Variants in SAMMSON observed in about 807,000 individuals in gnomAD.
SAMMSON encodes the protein long intergenic non-protein coding RNA 1212.
chr3:70,397,763 C>T (rs1331407803), intron 2 of SAMMSON, among the ~76,000 whole-genome samples: 1 of 151,984 alleles, frequency 6.6e-6, no homozygotes, highest in Non-Finnish European at 1.5e-5. Context: ...AAACATGCTG[C>T]CAATTTACAC....
intron 6 of SAMMSON, among the ~76,000 whole-genome samples, chr3:70,267,122 A>G (rs1052777840): frequency 5.9e-5 from 9 of 152,212 alleles, no homozygotes; most frequent in Admixed American, 1.3e-4. Context: ...GGGAAGGAGA[A>G]TAGGAAGTAC....
chr3:70,092,135 ATTTGCCTG>A (rs1559789307), intron 4 of SAMMSON, among the ~76,000 whole-genome samples: 1 of 152,118 alleles, frequency 6.6e-6, no homozygotes, highest in Non-Finnish European at 1.5e-5. Context: ...TCTGGTCTCA[ATTTGCCTG>A]TATGCGAAGT....
intron 9 of SAMMSON, among the ~76,000 whole-genome samples, chr3:70,373,134 T>C (rs1390177454): frequency 6.6e-6 from 1 of 152,144 alleles, no homozygotes. Flanking sequence ...TTTCTTTCTG[T>C]TTATAAACCT....
chr3:70,263,509 T>A (rs564519442), intron 6 of SAMMSON, among the ~76,000 whole-genome samples: 215 of 152,276 alleles, frequency 1.4e-3, no homozygotes, highest in Non-Finnish European at 2.1e-3. Flanking sequence ...GGAATTCAAG[T>A]AATTTTCAGC....
At chr3:70,088,064 C>T (rs753673838) in intron 4 of SAMMSON, among the ~76,000 whole-genome samples, 11 of 152,082 alleles carry the variant, frequency 7.2e-5, no homozygotes, top group Non-Finnish European at 1.3e-4. Flanking sequence ...GCCTTCTTTC[C>T]GTTCTTTGGT....
At chr3:70,186,436 T>G (rs1394579355) in intron 4 of SAMMSON, among the ~76,000 whole-genome samples, 2 of 152,064 alleles carry the variant, frequency 1.3e-5, no homozygotes, top group Non-Finnish European at 2.9e-5. Flanking sequence ...TTTTATTTTT[T>G]TATTTTTTGG....
intron 7 of SAMMSON, among the ~76,000 whole-genome samples, chr3:70,343,540 C>A (rs1353958562): frequency 6.6e-6 from 1 of 152,044 alleles, no homozygotes; most frequent in Non-Finnish European, 1.5e-5. Context: ...GGGAGGAAGA[C>A]CACAGAGGCA....
At position 70,359,834 on chromosome 3, in the gene SAMMSON, G is replaced by A. The variant is rs1160973957; in HGVS notation, n.913+1510G>A. 3.3e-5 allele frequency among the ~76,000 whole-genome samples: 5 copies of A among 152,016 alleles called. No individual in the cohort carries two copies. The East Asian group carries it at 9.6e-4, about 29-fold the overall frequency. ...TTGCAATATCTCAGACCTTTATAATGTACTAGGTTAGCATATACTTTTCTC... is the reference window on the plus strand; with the variant it reads ...TTGCAATATCTCAGACCTTTATAATATACTAGGTTAGCATATACTTTTCTC... On this transcript the variant is annotated intron_variant and non_coding_transcript_variant, in intron 9 of 9. Transcript: ENST00000642114.
intron 9 of SAMMSON, among the ~76,000 whole-genome samples, chr3:70,378,433 C>T (rs189255537): frequency 1.8e-3 from 268 of 152,012 alleles, no homozygotes; most frequent in African/African-American, 6.2e-3. Flanking sequence ...GGAATTTACA[C>T]TTATCAATTA....
intron 6 of SAMMSON, among the ~76,000 whole-genome samples, chr3:70,276,475 A>T (rs549049454): frequency 6.6e-6 from 1 of 152,336 alleles, no homozygotes; most frequent in South Asian, 2.1e-4. Flanking sequence ...TAATACTTAG[A>T]AGTGGCTGTC....
chr3:70,332,253 T>C (rs1702626140), intron 7 of SAMMSON, among the ~76,000 whole-genome samples: 1 of 152,214 alleles, frequency 6.6e-6, no homozygotes, highest in Non-Finnish European at 1.5e-5. Context: ...ATTTGTGTTT[T>C]GTTTTTCTCT....
At chr3:70,134,087 CAAAAAAAA>C (rs1157606808) in intron 4 of SAMMSON, among the ~76,000 whole-genome samples, 17 of 60,572 alleles carry the variant, frequency 2.8e-4, no homozygotes, top group East Asian at 1.3e-3. Context: ...ACTGAAAATA[CAAAAAAAA>C]AAAAAAAAAA....
intron 7 of SAMMSON, among the ~76,000 whole-genome samples, chr3:70,324,199 C>CTATCTATCTATCATCTATCT (rs1553655704): frequency 3.3e-5 from 3 of 90,230 alleles, no homozygotes; most frequent in Admixed American, 1.1e-4. Context: ...ATCTATCTAT[C>CTATCTATCTATCATCTATCT]ATCTATCTAT....
In SAMMSON at chr3:70,054,811, G is replaced by T. The variant is rs561889319; in HGVS notation, n.418-16665G>T. On this transcript the variant is annotated intron_variant and non_coding_transcript_variant, in intron 3 of 9. Transcript: ENST00000642114. ...GACTAATCTCAACAGGGAAGTAGCT[G>T]CTTCATCCCTGCTCAATGTTGCTAT... 3.7e-4 allele frequency among the ~76,000 whole-genome samples: 57 copies of T among 152,192 alleles called. 1 individual carries two copies. Among genetic ancestry groups the T allele is most frequent in the South Asian group, 3.7e-3 (18 of 4,828 alleles).
intron 4 of SAMMSON, among the ~76,000 whole-genome samples, chr3:70,161,786 C>A (rs998841484): frequency 6.6e-6 from 1 of 151,752 alleles, no homozygotes; most frequent in African/African-American, 2.4e-5. Flanking sequence ...CACCAGTGAA[C>A]CATCTTGACC....
intron 4 of SAMMSON, chr3:70,075,011 C>G (rs775561374): frequency 2.0e-5 from 3 of 152,056 alleles, no homozygotes; most frequent in Non-Finnish European, 2.9e-5. Context: ...TATGTGATGG[C>G]TGTTTGAGCA....
chr3:70,042,396 A>T (rs2067109501), intron 3 of SAMMSON, among the ~76,000 whole-genome samples: 1 of 152,082 alleles, frequency 6.6e-6, no homozygotes, highest in Non-Finnish European at 1.5e-5. Flanking sequence ...GAATGGTGGA[A>T]TTGTCAGGAA....
intron 7 of SAMMSON, among the ~76,000 whole-genome samples, chr3:70,306,969 A>G (rs1048910917): frequency 5.9e-5 from 9 of 152,172 alleles, no homozygotes; most frequent in African/African-American, 2.2e-4. Flanking sequence ...ATGTATATGT[A>G]TGTGTGTATA....
At chr3:70,144,641 A>G (rs1157693001) in intron 4 of SAMMSON, among the ~76,000 whole-genome samples, 1 of 152,106 alleles carries the variant, frequency 6.6e-6, no homozygotes, top group African/African-American at 2.4e-5. Flanking sequence ...AGCTCCCATA[A>G]TTCCCATATG....
Sources: gnomAD v4.1 joint callset for allele counts (sites outside exome capture counted in the v4.1 genomes callset) on GRCh38, gnomAD v4.1.1 for gene constraint, MANE v1.5 for transcripts, NCBI Gene and HGNC (gene_info 2026-07-23, HGNC 2026-07-21) for gene names.